PIP5K1A: variants seen among roughly 807,000 people sequenced by gnomAD.
The protein encoded by PIP5K1A is phosphatidylinositol-4-phosphate 5-kinase type 1 alpha.
PIP5K1A carries 46 observed loss-of-function variants against 72.9 expected under a neutral mutation model. The ratio of observed to expected loss-of-function variants is 0.63; its 90% CI spans 0.50 to 0.81. PIP5K1A has a LOEUF of 0.81. Ranked by LOEUF, PIP5K1A falls within the 30% of genes least tolerant of loss-of-function variation. The pLI, the probability that PIP5K1A is intolerant of heterozygous loss-of-function variation, is 0.00. For synonymous variants in PIP5K1A, 228 were observed against 255.1 expected (o/e 0.89, Z 1.01); for missense variants, 458 against 706.1 (o/e 0.65, Z 3.98).
At chr1:151,241,576 G>A (rs1474515417) in intron 12 of PIP5K1A, among the ~76,000 whole-genome samples, 2 of 151,886 alleles carry the variant, frequency 1.3e-5, no homozygotes, top group African/African-American at 4.8e-5. Context: ...CTAGGTGGGC[G>A]GACCACCTGA....
rs587775240 is a variant in PIP5K1A, at chr1:151,231,024, A to T, written c.238-647A>T. On this transcript the variant is annotated intron_variant, in intron 4 of 15. Coordinates refer to ENST00000368888, the MANE Select transcript of PIP5K1A (RefSeq NM_001135638.2). ...AGCTTGAGACCAGCCTGACCAACATAGTGAAACCCCATCTGTACTAAAAAT... is the reference window on the plus strand; with the variant it reads ...AGCTTGAGACCAGCCTGACCAACATTGTGAAACCCCATCTGTACTAAAAAT... Among the ~76,000 whole-genome samples, 3 of 152,246 alleles carry T rather than the reference A, an allele frequency of 2.0e-5. No individual in the cohort carries two copies. In the South Asian group the frequency reaches 6.2e-4, roughly 32 times the overall value.
intron 8 of PIP5K1A, 83 bp from the exon 9 acceptor site, chr1:151,236,475 C>CA (rs1424649122): frequency 3.0e-5 from 32 of 1,081,016 alleles, no homozygotes; most frequent in Middle Eastern, 2.1e-4. Flanking sequence ...TACCCTTTCT[C>CA]AAAAAAACAA....
intron 1 of PIP5K1A, among the ~76,000 whole-genome samples, chr1:151,220,747 G>A (rs1156707019): frequency 3.9e-5 from 6 of 152,204 alleles, no homozygotes; most frequent in East Asian, 1.9e-4. Context: ...GATTACAGGC[G>A]TGAGCCACTT....
At chr1:151,247,005 G>A (rs766514803) in intron 15 of PIP5K1A, 40 bp downstream of exon 15, 41 of 1,469,320 alleles carry the variant, frequency 2.8e-5, no homozygotes, top group African/African-American at 4.2e-5. Flanking sequence ...CGTTTTGCAA[G>A]GTATAAAGAG....
intron 15 of PIP5K1A, among the ~76,000 whole-genome samples, chr1:151,247,223 G>A (rs1692635602): frequency 1.3e-5 from 2 of 151,934 alleles, no homozygotes; most frequent in Admixed American, 6.6e-5. Context: ...CTGCCTCCTG[G>A]GTTCAAGCAG....
chr1:151,229,447 T>C (rs1689704126), intron 4 of PIP5K1A, among the ~76,000 whole-genome samples: 1 of 150,794 alleles, frequency 6.6e-6, no homozygotes, highest in Non-Finnish European at 1.5e-5. Context: ...CCAAAACCTC[T>C]GCCTTGCGGG....
In PIP5K1A at chr1:151,227,321, T is replaced by C. The variant is rs1689303578; in HGVS notation, c.158T>C (p.Val53Ala). 1.2e-6 allele frequency: 2 copies of C among 1,601,632 alleles called. No homozygotes were observed. The highest frequency in any genetic ancestry group is 1.7e-6 in the Non-Finnish European group (2 of 1,168,990). ...EARQDSYISL[V>A]PYASGMPIKK... ...TTATAATCTTGACTCTTCTTCTAGG[T>C]GCCTTATGCCTCTGGCATGCCCATC... The change falls in exon 4 of 16, where the codon GTG becomes GCG. Residue 53 changes from valine to alanine, a missense_variant and splice_region_variant. Coordinates refer to ENST00000368888, the MANE Select transcript of PIP5K1A (RefSeq NM_001135638.2).
intron 10 of PIP5K1A, 40 bp downstream of exon 10, chr1:151,238,305 A>G: frequency 1.5e-6 from 2 of 1,297,860 alleles, no homozygotes; most frequent in Non-Finnish European, 1.1e-6. Flanking sequence ...GAGGGTGGAT[A>G]CAGATAACCA....
intron 14 of PIP5K1A, among the ~76,000 whole-genome samples, chr1:151,245,345 T>A (rs1249438142): frequency 6.6e-6 from 1 of 152,164 alleles, no homozygotes; most frequent in African/African-American, 2.4e-5. Context: ...TCCAATAAAA[T>A]TTTTCTCACT....
At chr1:151,226,435 G>C (rs1020136406) in intron 3 of PIP5K1A, among the ~76,000 whole-genome samples, 7 of 152,018 alleles carry the variant, frequency 4.6e-5, no homozygotes, top group African/African-American at 1.7e-4. Context: ...CCTTTGGTTG[G>C]GTGCAGTGCC....
At chr1:151,224,045 A>G in intron 1 of PIP5K1A, 200 bp from the exon 2 acceptor site, 1 of 583,738 alleles carries the variant, frequency 1.7e-6, no homozygotes, top group Non-Finnish European at 3.1e-6. Flanking sequence ...TAAAAATGGA[A>G]TATGCACGAG....
intron 1 of PIP5K1A, among the ~76,000 whole-genome samples, chr1:151,215,688 G>C (rs923572128): frequency 1.3e-5 from 2 of 152,114 alleles, no homozygotes; most frequent in Admixed American, 1.3e-4. Context: ...ATGTTTTGCT[G>C]TCTGAATTCA....
rs191621551 is a variant in PIP5K1A at position 151,238,422 on chromosome 1, C to G, written c.1229+157C>G. ...CATTAGTTTTCAGATGGTTTATTTCCTTGATTTTGCCTCTTTCCCCGGCCT... is the reference window on the plus strand; with the variant it reads ...CATTAGTTTTCAGATGGTTTATTTCGTTGATTTTGCCTCTTTCCCCGGCCT... On this transcript the variant is annotated intron_variant, in intron 10 of 15. Transcript: ENST00000368888. The G allele has an allele frequency of 6.6e-4, 401 of 609,892 alleles. 3 individuals are homozygous for G. The Admixed American group carries it at 6.7e-3, about 10-fold the overall frequency. The allele number at this position is 609,892 out of a possible 1,614,324, so 37.8% of individuals were successfully genotyped here. A position where few individuals can be genotyped will look rare whatever the true frequency, so the allele number is the denominator to read the frequency against.
chr1:151,231,480 C>G (rs1024421405), intron 4 of PIP5K1A, among the ~76,000 whole-genome samples, 191 bp from the exon 5 acceptor site: 2 of 152,138 alleles, frequency 1.3e-5, no homozygotes, highest in African/African-American at 2.4e-5. Context: ...TCCTTCCAAT[C>G]TTTACTAAGC....
At position 151,238,907 on chromosome 1, in the gene PIP5K1A, C is replaced by A. The variant is rs587768414; in HGVS notation, c.1230-223C>A. ...GTCAGGGACATAAATTGCCCTTTTCCCATGGGGGGAATAATTGACTTACCT... is the reference window on the plus strand; with the variant it reads ...GTCAGGGACATAAATTGCCCTTTTCACATGGGGGGAATAATTGACTTACCT... On this transcript the variant is annotated intron_variant, in intron 10 of 15. Coordinates refer to ENST00000368888, the MANE Select transcript of PIP5K1A (RefSeq NM_001135638.2). Among the ~76,000 whole-genome samples, 942 of 152,220 alleles carry A rather than the reference C, an allele frequency of 6.2e-3. 5 individuals are homozygous for A. The highest frequency in any genetic ancestry group is 0.02 in the Admixed American group (299 of 15,280).
At chr1:151,235,738 T>C (rs1457946129) in intron 8 of PIP5K1A, among the ~76,000 whole-genome samples, 2 of 152,188 alleles carry the variant, frequency 1.3e-5, no homozygotes, top group African/African-American at 4.8e-5. Flanking sequence ...GAGACATACA[T>C]GGAAAGAACA....
chr1:151,244,832 G>C (rs587682575), intron 14 of PIP5K1A, among the ~76,000 whole-genome samples: 15 of 151,380 alleles, frequency 9.9e-5, no homozygotes, highest in Non-Finnish European at 2.1e-4. Context: ...AATACCTTTT[G>C]TTTTTCTGAG....
At chr1:151,223,963 A>C (rs1688754940) in intron 1 of PIP5K1A, 1 of 471,428 alleles carries the variant, frequency 2.1e-6, no homozygotes, top group African/African-American at 2.0e-5. Context: ...GTGAGACTCC[A>C]TCTCAAAAAA....
At chr1:151,197,110 C>T (rs989020289), upstream of PIP5K1A, among the ~76,000 whole-genome samples, 2 of 151,740 alleles carry the variant, frequency 1.3e-5, no homozygotes, top group Non-Finnish European at 2.9e-5. Flanking sequence ...GATCCACCTA[C>T]CTCGGCCTCC....
Sources: gnomAD v4.1 joint callset for allele counts (sites outside exome capture counted in the v4.1 genomes callset) on GRCh38, gnomAD v4.1.1 for gene constraint, MANE v1.5 for transcripts, NCBI Gene and HGNC (gene_info 2026-07-23, HGNC 2026-07-21) for gene names.